CNTNAP2: variants seen among roughly 807,000 people sequenced by gnomAD.
CNTNAP2 encodes the protein contactin associated protein 2.
A neutral mutation model predicts 155.2 loss-of-function variants in CNTNAP2; 98 were observed. That is an observed-to-expected ratio of 0.63 (90% confidence interval 0.54 to 0.75). The LOEUF (loss-of-function observed/expected upper bound fraction) is 0.75. Ranked by LOEUF, CNTNAP2 falls within the 30% of genes least tolerant of loss-of-function variation. The probability of loss-of-function intolerance (pLI) is 0.00; values close to 1 mark genes in which losing one functional copy is unlikely to be tolerated. For synonymous variants in CNTNAP2, 651 were observed against 631.2 expected (o/e 1.03, Z -0.47); for missense variants, 1,727 against 1,688.1 (o/e 1.02, Z -0.40).
At chr7:147,209,267 C>G (rs948632548) in intron 8 of CNTNAP2, among the ~76,000 whole-genome samples, 1 of 152,004 alleles carries the variant, frequency 6.6e-6, no homozygotes, top group Non-Finnish European at 1.5e-5. Context: ...TCTGTGATTT[C>G]TGTCAGCAGT....
chr7:146,902,173 C>T (rs901802021), intron 3 of CNTNAP2, among the ~76,000 whole-genome samples: 2 of 152,084 alleles, frequency 1.3e-5, no homozygotes, highest in Non-Finnish European at 2.9e-5. Context: ...CGTGAGCCAC[C>T]GTGCTCAGCC....
intron 5 of CNTNAP2, among the ~76,000 whole-genome samples, chr7:147,114,433 G>A (rs967830018): frequency 1.3e-5 from 2 of 152,174 alleles, no homozygotes; most frequent in Non-Finnish European, 2.9e-5. Context: ...CACTATTATT[G>A]TGTAGGAATC....
chr7:146,752,508 C>T (rs1801923400), intron 1 of CNTNAP2, among the ~76,000 whole-genome samples: 1 of 152,100 alleles, frequency 6.6e-6, no homozygotes, highest in Admixed American at 6.5e-5. Context: ...CTTGTAGATT[C>T]TGGATATTAG....
chr7:146,665,010 C>T (rs1800165513), intron 1 of CNTNAP2, among the ~76,000 whole-genome samples: 1 of 152,020 alleles, frequency 6.6e-6, no homozygotes, highest in Non-Finnish European at 1.5e-5. Flanking sequence ...GTGCAGTGGT[C>T]AGATGTTGGC....
intron 8 of CNTNAP2, among the ~76,000 whole-genome samples, chr7:147,296,893 G>A (rs754111006): frequency 8.5e-5 from 13 of 152,054 alleles, no homozygotes; most frequent in Non-Finnish European, 1.8e-4. Context: ...CCTAGTTTCT[G>A]GACTGTTCCT....
intron 3 of CNTNAP2, among the ~76,000 whole-genome samples, chr7:146,849,822 A>G (rs1053247346): frequency 6.6e-6 from 1 of 152,184 alleles, no homozygotes; most frequent in Non-Finnish European, 1.5e-5. Context: ...GAATGCAAGT[A>G]AGTAGTTAAT....
chr7:147,583,023 C>T (rs1353017482), intron 12 of CNTNAP2, among the ~76,000 whole-genome samples: 1 of 152,040 alleles, frequency 6.6e-6, no homozygotes, highest in African/African-American at 2.4e-5. Flanking sequence ...CAGGAAGTCT[C>T]CTAAGGTGAT....
intron 8 of CNTNAP2, among the ~76,000 whole-genome samples, chr7:147,160,279 G>A (rs1181152915): frequency 1.3e-5 from 2 of 151,842 alleles, no homozygotes; most frequent in Non-Finnish European, 2.9e-5. Flanking sequence ...TTATATCCAG[G>A]CCATTTATTT....
At chr7:147,945,073 C>T (rs945449602) in intron 14 of CNTNAP2, among the ~76,000 whole-genome samples, 2 of 152,068 alleles carry the variant, frequency 1.3e-5, no homozygotes, top group South Asian at 2.1e-4. Flanking sequence ...GCTTCAATTG[C>T]CTGTATAGAA....
At chr7:146,457,473 CA>C (rs1408870011) in intron 1 of CNTNAP2, among the ~76,000 whole-genome samples, 5 of 58,648 alleles carry the variant, frequency 8.5e-5, no homozygotes, top group Admixed American at 2.3e-4. Context: ...TTTATAGCTT[CA>C]AAAATGAATA....
At chr7:148,400,057 G>A (rs1372544568) in intron 22 of CNTNAP2, among the ~76,000 whole-genome samples, 8 of 152,144 alleles carry the variant, frequency 5.3e-5, no homozygotes, top group African/African-American at 7.2e-5. Flanking sequence ...CAGGGCATCC[G>A]TATGCCCCTT....
At chr7:146,850,293 G>A (rs1004215239) in intron 3 of CNTNAP2, among the ~76,000 whole-genome samples, 8 of 152,254 alleles carry the variant, frequency 5.3e-5, no homozygotes, top group East Asian at 1.9e-4. Flanking sequence ...GCATTTCTCC[G>A]ATGAACTTCA....
At chr7:147,635,240 G>A (rs148242475) in intron 12 of CNTNAP2, among the ~76,000 whole-genome samples, 4 of 146,082 alleles carry the variant, frequency 2.7e-5, no homozygotes, top group South Asian at 2.1e-4. Flanking sequence ...CTGTTTTTCC[G>A]CCACTAGAAT....
At chr7:146,404,893 A>G (rs1795768867) in intron 1 of CNTNAP2, among the ~76,000 whole-genome samples, 1 of 152,124 alleles carries the variant, frequency 6.6e-6, no homozygotes, top group Non-Finnish European at 1.5e-5. Flanking sequence ...TCCGTTCCAC[A>G]TTAGTTCCGG....
chr7:147,234,199 C>A (rs538254110), intron 8 of CNTNAP2, among the ~76,000 whole-genome samples: 4 of 152,200 alleles, frequency 2.6e-5, no homozygotes, highest in South Asian at 4.1e-4. Flanking sequence ...ACTTTTGTGT[C>A]TGTTTTCTAC....
chr7:148,016,461 C>T (rs917117187), intron 15 of CNTNAP2, among the ~76,000 whole-genome samples: 3 of 152,328 alleles, frequency 2.0e-5, no homozygotes, highest in African/African-American at 7.2e-5. Context: ...CAGTACCACT[C>T]TTCAGCAGCG....
chr7:146,815,072 A>G (rs1193762448), intron 2 of CNTNAP2, among the ~76,000 whole-genome samples: 1 of 152,208 alleles, frequency 6.6e-6, no homozygotes, highest in Non-Finnish European at 1.5e-5. Flanking sequence ...ATGATAACTA[A>G]CTTTGATATC....
chr7:146,556,857 T>A (rs887355963), intron 1 of CNTNAP2, among the ~76,000 whole-genome samples: 11 of 152,056 alleles, frequency 7.2e-5, no homozygotes, highest in Admixed American at 1.3e-4. Context: ...TGAAAGGGAT[T>A]GGCTTCCAGT....
At chr7:146,188,273 A>G (rs1227967150) in intron 1 of CNTNAP2, among the ~76,000 whole-genome samples, 1 of 152,180 alleles carries the variant, frequency 6.6e-6, no homozygotes, top group African/African-American at 2.4e-5. Flanking sequence ...GAAACAGTAC[A>G]GTGAGCTTTT....
Sources: gnomAD v4.1 joint callset for allele counts (sites outside exome capture counted in the v4.1 genomes callset) on GRCh38, gnomAD v4.1.1 for gene constraint, MANE v1.5 for transcripts, NCBI Gene and HGNC (gene_info 2026-07-23, HGNC 2026-07-21) for gene names.